Variants in GC observed in about 807,000 individuals in gnomAD.
GC encodes vitamin D-binding protein.
GC carries 43 observed loss-of-function variants against 56.7 expected under a neutral mutation model. That is an observed-to-expected ratio of 0.76 (90% CI 0.59 to 0.98). The LOEUF (loss-of-function observed/expected upper bound fraction) is 0.98. Ranked by LOEUF, GC falls within the 50% of genes least tolerant of loss-of-function variation. GC has a pLI of 0.00. For missense variants in GC, 529 were observed against 545.9 expected, an observed-to-expected ratio of 0.97 and a Z score of 0.31; for synonymous variants, 216 against 202.7, an observed-to-expected ratio of 1.07 and a Z score of -0.56.
chr4:71,763,853 A>G lies in GC; in HGVS notation c.557T>C (p.Val186Ala), dbSNP rs757738037. 6.2e-7 allele frequency: 1 copy of G among 1,612,454 alleles called. No homozygotes were observed. Among genetic ancestry groups the G allele is most frequent in the Non-Finnish European group, 8.5e-7 (1 of 1,178,446 alleles). The change falls in exon 5 of 13, where the codon GTA becomes GCA. Residue 186 changes from valine to alanine, a missense_variant. Physicochemically the swap from Val to Ala is moderately conservative, Grantham distance 64 (BLOSUM62 0). Transcript: ENST00000273951. ...GCTTGCAGAGGTACAGCAGGACCCT[A>G]CCATAGAAAGATAACTCTTGGTGTA... ...VSYTKSYLSM[V>A]GSCCTSASPT...
intron 10 of GC, among the ~76,000 whole-genome samples, chr4:71,753,488 A>AG (rs985370646): frequency 2.0e-5 from 3 of 151,220 alleles, no homozygotes; most frequent in African/African-American, 7.3e-5. Context: ...AGGAGGCAAA[A>AG]AAAAAAAAAG....
upstream of GC, among the ~76,000 whole-genome samples, chr4:71,788,819 C>A (rs183702987): frequency 2.4e-4 from 36 of 152,048 alleles, no homozygotes; most frequent in East Asian, 6.6e-3. Context: ...CTCTTTCCAC[C>A]TTTATTGGTC....
At chr4:71,769,797 G>A (rs1742288936) in intron 1 of GC, among the ~76,000 whole-genome samples, 1 of 151,572 alleles carries the variant, frequency 6.6e-6, no homozygotes, top group African/African-American at 2.4e-5. Flanking sequence ...TTCTTTTAAT[G>A]TCTCAGTTTT....
chr4:71,750,820 G>T (rs1272244281), intron 11 of GC, among the ~76,000 whole-genome samples: 3 of 152,118 alleles, frequency 2.0e-5, no homozygotes, highest in Non-Finnish European at 4.4e-5. Flanking sequence ...AGGAGGTGAA[G>T]TTTTCAGTGA....
At chr4:71,763,959 G>A in intron 4 of GC, 23 bp from the exon 5 acceptor site, 2 of 1,594,950 alleles carry the variant, frequency 1.3e-6, no homozygotes, top group Non-Finnish European at 1.7e-6. Flanking sequence ...AAATAGAATT[G>A]GTCAAAAAAT....
chr4:71,755,589 A>G (rs193081680), intron 8 of GC, among the ~76,000 whole-genome samples: 1 of 152,306 alleles, frequency 6.6e-6, no homozygotes, highest in Admixed American at 6.5e-5. Flanking sequence ...AAATACTTTC[A>G]TTGAGATACA....
intron 12 of GC, 40 bp downstream of exon 12, chr4:71,746,111 T>G (rs1008155306): frequency 2.6e-6 from 2 of 778,926 alleles, no homozygotes; most frequent in Admixed American, 1.9e-5. Context: ...CATCCTACAA[T>G]GCTGGATCCG....
At chr4:71,804,746 C>T (rs1743326028), upstream of GC, among the ~76,000 whole-genome samples, 1 of 152,058 alleles carries the variant, frequency 6.6e-6, no homozygotes, top group African/African-American at 2.4e-5. Context: ...CCTTGTTCGT[C>T]TTGCATCACT....
At chr4:71,791,344 A>G (rs574037460) in intron 1 of GC, among the ~76,000 whole-genome samples, 4 of 152,070 alleles carry the variant, frequency 2.6e-5, no homozygotes, top group African/African-American at 9.6e-5. Flanking sequence ...TATTCTTTTC[A>G]TTGCTGTCCT....
intron 1 of GC, among the ~76,000 whole-genome samples, chr4:71,778,151 C>A (rs145178129): frequency 2.0e-4 from 30 of 151,944 alleles, no homozygotes; most frequent in African/African-American, 7.2e-4. Context: ...ATAAATCTTT[C>A]TAAATCAGCT....
At chr4:71,798,082 C>G (rs1743152353) in intron 1 of GC, among the ~76,000 whole-genome samples, 1 of 152,212 alleles carries the variant, frequency 6.6e-6, no homozygotes, top group Non-Finnish European at 1.5e-5. Context: ...TCATTAATCT[C>G]AAGTTCATTG....
intron 12 of GC, among the ~76,000 whole-genome samples, chr4:71,742,935 C>T (rs1159929643): frequency 6.6e-6 from 1 of 152,160 alleles, no homozygotes; most frequent in Non-Finnish European, 1.5e-5. Context: ...GATTGTGCCA[C>T]TGCACTCCAG....
At chr4:71,791,336 T>C (rs1334900154) in intron 1 of GC, among the ~76,000 whole-genome samples, 2 of 152,108 alleles carry the variant, frequency 1.3e-5, no homozygotes, top group African/African-American at 4.8e-5. Context: ...TTGACAGTTA[T>C]TCTTTTCATT....
At chr4:71,769,518 G>A in intron 1 of GC, 118 bp from the exon 2 acceptor site, 1 of 664,114 alleles carries the variant, frequency 1.5e-6, no homozygotes. Context: ...TTTTCTCAAT[G>A]TCTATATGCA....
chr4:71,797,710 G>A (rs1743141814), intron 1 of GC, among the ~76,000 whole-genome samples: 1 of 152,208 alleles, frequency 6.6e-6, no homozygotes, highest in African/African-American at 2.4e-5. Context: ...AGATGAACCA[G>A]GTACCGCAGT....
At chr4:71,800,312 A>G (rs981734525) in intron 1 of GC, among the ~76,000 whole-genome samples, 1 of 151,918 alleles carries the variant, frequency 6.6e-6, no homozygotes, top group Non-Finnish European at 1.5e-5. Flanking sequence ...GCTCCCACTT[A>G]TGAGTGAGAA....
intron 12 of GC, among the ~76,000 whole-genome samples, chr4:71,744,593 TA>T (rs1262012929): frequency 2.0e-5 from 3 of 152,056 alleles, no homozygotes; most frequent in Non-Finnish European, 4.4e-5. Context: ...TCCCAAAGCC[TA>T]AAAACATACA....
exon 1 of GC, chr4:71,804,031 G>C (rs1188400632): frequency 1.6e-5 from 14 of 850,364 alleles, no homozygotes; most frequent in Middle Eastern, 4.3e-4. Flanking sequence ...CAATCTCTTT[G>C]AAAAAACAGT....
intron 1 of GC, among the ~76,000 whole-genome samples, chr4:71,776,421 C>T (rs1469731557): frequency 2.0e-5 from 3 of 151,698 alleles, no homozygotes; most frequent in Admixed American, 2.0e-4. Flanking sequence ...AAGAAAAATA[C>T]TGCATTATAT....
Sources: gnomAD v4.1 joint callset for allele counts (sites outside exome capture counted in the v4.1 genomes callset) on GRCh38, gnomAD v4.1.1 for gene constraint, MANE v1.5 for transcripts, NCBI Gene and HGNC (gene_info 2026-07-23, HGNC 2026-07-21) for gene names.